Variants in LARS2 observed in about 807,000 individuals in gnomAD.
LARS2 encodes the protein leucyl-tRNA synthetase 2, mitochondrial.
LARS2 carries 81 observed loss-of-function variants against 116.6 expected under a neutral mutation model. The observed-to-expected ratio is 0.69, with a 90% CI of 0.58 to 0.84. The LOEUF is 0.84. LARS2 is among the 40% of genes least tolerant of loss of function. The probability of loss-of-function intolerance (pLI) is 0.00; values close to 1 mark genes in which losing one functional copy is unlikely to be tolerated. For synonymous variants in LARS2, 396 were observed against 407.2 expected, an observed-to-expected ratio of 0.97 and a Z score of 0.33; for missense variants, 968 against 1,114.5, an observed-to-expected ratio of 0.87 and a Z score of 1.87.
At chr3:45,394,043 C>T (rs1575225744) in intron 2 of LARS2, among the ~76,000 whole-genome samples, 1 of 152,200 alleles carries the variant, frequency 6.6e-6, no homozygotes, top group Admixed American at 6.5e-5. Context: ...GCCAACTCAG[C>T]ATGTGCTTGA....
chr3:45,513,448 C>T (rs547724317), intron 16 of LARS2, among the ~76,000 whole-genome samples: 18 of 152,352 alleles, frequency 1.2e-4, no homozygotes, highest in African/African-American at 3.1e-4. Flanking sequence ...GCTGCAGCCC[C>T]CTTCAGCCAA....
chr3:45,511,716 C>A (rs1203438128), intron 15 of LARS2, among the ~76,000 whole-genome samples: 1 of 151,636 alleles, frequency 6.6e-6, no homozygotes, highest in Non-Finnish European at 1.5e-5. Context: ...AAATACAAGA[C>A]CTAAGAATAG....
chr3:45,496,843 G>A (rs1700021653), intron 14 of LARS2, among the ~76,000 whole-genome samples: 1 of 152,254 alleles, frequency 6.6e-6, no homozygotes, highest in Non-Finnish European at 1.5e-5. Flanking sequence ...CTTAAAGGGA[G>A]AGTGCTACAT....
chr3:45,425,302 G>A (rs894450776), intron 6 of LARS2, among the ~76,000 whole-genome samples: 8 of 152,148 alleles, frequency 5.3e-5, no homozygotes, highest in African/African-American at 1.9e-4. Context: ...TGATTGAGGG[G>A]GACTAGTGTA....
chr3:45,430,636 G>A lies in LARS2; in HGVS notation c.516+10907G>A, dbSNP rs1211118908. Among the ~76,000 whole-genome samples, 4 of 135,612 alleles carry A rather than the reference G, an allele frequency of 2.9e-5. No individual in the cohort carries two copies. In the East Asian group the frequency reaches 6.5e-4, roughly 22 times the overall value. 89.0% of individuals were successfully genotyped at this position (135,612 alleles called of 152,430 possible). Reference sequence around the variant, plus strand: ...GTCTCGCCCTGTGGCCCAGGCTGGAGTGCCGTGGCGCGATCTCAGCTCACT... The same window carrying A: ...GTCTCGCCCTGTGGCCCAGGCTGGAATGCCGTGGCGCGATCTCAGCTCACT... On this transcript the variant is annotated intron_variant, in intron 6 of 21. Transcript: ENST00000645846.
intron 20 of LARS2, among the ~76,000 whole-genome samples, chr3:45,539,037 C>A (rs1700752183): frequency 6.6e-6 from 1 of 152,068 alleles, no homozygotes; most frequent in African/African-American, 2.4e-5. Context: ...TTGAAACAGT[C>A]CCTGGTATAA....
At chr3:45,469,915 C>A (rs1270495390) in intron 8 of LARS2, among the ~76,000 whole-genome samples, 1 of 151,882 alleles carries the variant, frequency 6.6e-6, no homozygotes, top group East Asian at 1.9e-4. Context: ...CAAATCATAC[C>A]AATTTATAAG....
At chr3:45,453,364 A>G (rs774192669) in intron 7 of LARS2, among the ~76,000 whole-genome samples, 1 of 152,070 alleles carries the variant, frequency 6.6e-6, no homozygotes, top group Non-Finnish European at 1.5e-5. Context: ...TGGATGGTGG[A>G]TATAGTTATT....
chr3:45,513,165 C>A lies in LARS2; in HGVS notation c.1791C>A (p.Gly597=), dbSNP rs1470660926. 1.9e-6 allele frequency: 3 copies of A among 1,613,464 alleles called. No homozygotes were observed. The highest frequency in any genetic ancestry group is 2.2e-5 in the East Asian group (1 of 44,890). Residue 597 remains glycine, a synonymous_variant, in exon 16 of 22, where the codon GGC becomes GGA. Coordinates refer to ENST00000645846, the MANE Select transcript of LARS2 (RefSeq NM_015340.4). ...CTTTTCATAAGCTGCTGGCCCAAGG[C>A]CTTATCAAGGGGCAGACATTCCGCC... ...REPFHKLLAQ[G]LIKGQTFRLP...
chr3:45,533,442 G>A lies in LARS2; in HGVS notation c.2405-8387G>A, dbSNP rs1700652156. Among the ~76,000 whole-genome samples the A allele has an allele frequency of 1.3e-5, 2 of 151,954 alleles. 1 individual carries two copies. Among genetic ancestry groups the A allele is most frequent in the South Asian group, 4.2e-4 (2 of 4,810 alleles). ...GATTACAGGCGTGAGCCACTGCGCC[G>A]GCCCCACATTAAGTCTTTTAAGTAG... On this transcript the variant is annotated intron_variant, in intron 20 of 21. Coordinates refer to ENST00000645846, the MANE Select transcript of LARS2 (RefSeq NM_015340.4).
intron 4 of LARS2, 138 bp downstream of exon 4, chr3:45,400,511 C>G (rs1460119916): frequency 1.3e-6 from 1 of 785,714 alleles, no homozygotes; most frequent in African/African-American, 1.8e-5. Flanking sequence ...ATGAAAAGCT[C>G]AGTGTTTCCT....
rs572421380 is a variant in LARS2, at chr3:45,454,467, C to T, written c.607-4276C>T. Among the ~76,000 whole-genome samples the T allele has an allele frequency of 1.1e-4, 17 of 152,266 alleles. No homozygotes were observed. In the South Asian group the frequency reaches 2.9e-3, roughly 26 times the overall value. ...CTACCTTCTTTGGAATGTCCAATTC[C>T]GTGATATTCCCAGATAACTATTGTG... On this transcript the variant is annotated intron_variant, in intron 7 of 21. Coordinates refer to ENST00000645846, the MANE Select transcript of LARS2 (RefSeq NM_015340.4).
chr3:45,523,369 A>C (rs139583481), intron 19 of LARS2, among the ~76,000 whole-genome samples: 1 of 152,314 alleles, frequency 6.6e-6, no homozygotes, highest in Non-Finnish European at 1.5e-5. Flanking sequence ...GAAACCTAGC[A>C]GAGTGGGTAA....
At chr3:45,537,056 C>G (rs752495584) in intron 20 of LARS2, among the ~76,000 whole-genome samples, 4 of 150,822 alleles carry the variant, frequency 2.7e-5, no homozygotes, top group Non-Finnish European at 4.4e-5. Flanking sequence ...GTGTGTGTGT[C>G]TTTGTCTTTG....
At chr3:45,488,633 G>A (rs567133259) in intron 11 of LARS2, 64 bp from the exon 12 acceptor site, 15 of 951,718 alleles carry the variant, frequency 1.6e-5, no homozygotes, top group Middle Eastern at 2.2e-4. Flanking sequence ...TGTCAGTACT[G>A]TCAGTTGTTT....
At chr3:45,505,425 C>T (rs1160382352) in intron 15 of LARS2, among the ~76,000 whole-genome samples, 1 of 151,764 alleles carries the variant, frequency 6.6e-6, no homozygotes, top group Non-Finnish European at 1.5e-5. Context: ...GTGGTTCATG[C>T]TTATAATCCC....
At chr3:45,417,874 G>A (rs62244092) in intron 5 of LARS2, among the ~76,000 whole-genome samples, 3,945 of 152,156 alleles carry the variant, frequency 0.026, 76 homozygotes, top group Middle Eastern at 0.037. Context: ...AAAAGAAGAG[G>A]GTCGCATTTG....
intron 3 of LARS2, among the ~76,000 whole-genome samples, chr3:45,398,471 T>G (rs1282688609): frequency 6.6e-6 from 1 of 152,208 alleles, no homozygotes; most frequent in East Asian, 1.9e-4. Flanking sequence ...AGCAAATTCT[T>G]AAAGAACTGG....
chr3:45,465,150 G>A (rs150699577), intron 8 of LARS2, among the ~76,000 whole-genome samples: 180 of 152,278 alleles, frequency 1.2e-3, no homozygotes, highest in African/African-American at 3.6e-3. Context: ...GGCTACAGTA[G>A]ATTCTGCTCC....
Sources: allele counts gnomAD v4.1 joint callset (sites outside exome capture counted in the v4.1 genomes callset), GRCh38; gene constraint gnomAD v4.1.1; transcripts MANE v1.5; gene names NCBI Gene and HGNC (gene_info 2026-07-23, HGNC 2026-07-21).